Variants in COL28A1 observed in about 807,000 individuals in gnomAD.
The protein encoded by COL28A1 is collagen alpha-1(XXVIII) chain.
Under a neutral mutation model 150.2 loss-of-function variants are expected in COL28A1, and 161 were observed. The ratio of observed to expected loss-of-function variants is 1.07; its 90% CI spans 0.94 to 1.22. COL28A1 has a LOEUF of 1.22. COL28A1 is among the 50% of genes most tolerant of loss of function. The pLI is 0.00. For missense variants in COL28A1, 1,617 were observed against 1,388.3 expected (o/e 1.16, Z -2.62); for synonymous variants, 552 against 469.7 (o/e 1.18, Z -2.26).
chr7:7,442,799 G>A (rs1785915818), intron 20 of COL28A1, among the ~76,000 whole-genome samples: 1 of 152,178 alleles, frequency 6.6e-6, no homozygotes, highest in Non-Finnish European at 1.5e-5. Flanking sequence ...CACTTTGGGA[G>A]GCTGAGGCAG....
intron 30 of COL28A1, among the ~76,000 whole-genome samples, chr7:7,378,443 C>T (rs532327012): frequency 2.6e-5 from 4 of 152,172 alleles, no homozygotes; most frequent in African/African-American, 4.8e-5. Flanking sequence ...ATGCTAACAC[C>T]GAAGTGACAT....
chr7:7,421,115 A>G (rs1784372574), intron 25 of COL28A1, among the ~76,000 whole-genome samples: 1 of 152,250 alleles, frequency 6.6e-6, no homozygotes, highest in Non-Finnish European at 1.5e-5. Flanking sequence ...GTGAATGGAC[A>G]AAGTGCTGTA....
intron 18 of COL28A1, among the ~76,000 whole-genome samples, chr7:7,446,234 GT>G: frequency 6.6e-6 from 1 of 151,872 alleles, no homozygotes; most frequent in East Asian, 1.9e-4. Flanking sequence ...AGAATAATAG[GT>G]TTTTTAAAAG....
chr7:7,483,718 C>T (rs56777100), intron 13 of COL28A1, among the ~76,000 whole-genome samples: 2,458 of 152,080 alleles, frequency 0.016, 61 homozygotes, highest in African/African-American at 0.056. Flanking sequence ...ACAACGTAAA[C>T]TTCCTCAAGA....
At chr7:7,470,892 A>T (rs1788352714) in intron 15 of COL28A1, among the ~76,000 whole-genome samples, 1 of 127,362 alleles carries the variant, frequency 7.9e-6, no homozygotes, top group African/African-American at 3.3e-5. Flanking sequence ...ATTCTCACTC[A>T]TAGGTGGGAA....
At chr7:7,453,274 A>G (rs1349108573) in intron 17 of COL28A1, among the ~76,000 whole-genome samples, 166 bp downstream of exon 17, 1 of 152,248 alleles carries the variant, frequency 6.6e-6, no homozygotes, top group Non-Finnish European at 1.5e-5. Flanking sequence ...AAGAATACAT[A>G]TTACATTTTC....
chr7:7,491,969 CAGTTTTTT>C (rs1478573940), intron 11 of COL28A1, among the ~76,000 whole-genome samples: 11 of 152,102 alleles, frequency 7.2e-5, no homozygotes, highest in African/African-American at 2.4e-4. Flanking sequence ...TATTTCCTTC[CAGTTTTTT>C]ACATTCACAC....
At chr7:7,449,460 T>C (rs1292326354) in intron 18 of COL28A1, among the ~76,000 whole-genome samples, 3 of 151,848 alleles carry the variant, frequency 2.0e-5, no homozygotes, top group Non-Finnish European at 4.4e-5. Context: ...CACTTAAGAG[T>C]GAAATTTTAG....
At chr7:7,461,175 G>C (rs1478437302) in intron 15 of COL28A1, among the ~76,000 whole-genome samples, 2 of 152,206 alleles carry the variant, frequency 1.3e-5, no homozygotes, top group African/African-American at 2.4e-5. Context: ...TATGGGAGCT[G>C]AGTCAATTTA....
rs554918714 is a variant in COL28A1 at position 7,511,374 on chromosome 7, G to C, written c.883-239C>G. Among the ~76,000 whole-genome samples, 24 of 152,188 alleles carry C rather than the reference G, an allele frequency of 1.6e-4. 1 individual carries two copies. In the South Asian group the frequency reaches 4.6e-3, roughly 29 times the overall value. ...AATCAGGAACAATGTAATAAGGTTT[G>C]ACATTTTTAAGAAATGGATGAAACT... On this transcript the variant is annotated intron_variant, in intron 8 of 34. Coordinates refer to ENST00000399429, the MANE Select transcript of COL28A1 (RefSeq NM_001037763.3).
Position 7,367,444 on chromosome 7 carries a change from C to T in COL28A1, c.3066+3281G>A, listed in dbSNP as rs531182085. Among the ~76,000 whole-genome samples the T allele has an allele frequency of 1.2e-4, 19 of 152,108 alleles. No individual in the cohort carries two copies. In the East Asian group the frequency reaches 2.1e-3, roughly 17 times the overall value. ...GCATTGGTGCTTCTTTAAAAAGAGC[C>T]AGAATGAGAAAGCCTAGAGACAAGA... On this transcript the variant is annotated intron_variant, in intron 33 of 34. Transcript: ENST00000399429.
At chr7:7,467,815 G>A (rs1166497851) in intron 15 of COL28A1, among the ~76,000 whole-genome samples, 7 of 138,554 alleles carry the variant, frequency 5.1e-5, no homozygotes, top group South Asian at 2.4e-4. Context: ...ACTCAAAGCC[G>A]CTCAACTACA....
At chr7:7,522,528 T>C (rs1206328583) in intron 4 of COL28A1, among the ~76,000 whole-genome samples, 1 of 152,162 alleles carries the variant, frequency 6.6e-6, no homozygotes, top group Non-Finnish European at 1.5e-5. Flanking sequence ...GGTTCAGTCA[T>C]GACAAAGTAG....
chr7:7,383,825 T>C (rs1782032761), intron 27 of COL28A1, among the ~76,000 whole-genome samples: 1 of 151,820 alleles, frequency 6.6e-6, no homozygotes, highest in Admixed American at 6.6e-5. Context: ...ATTTCTGTAT[T>C]AAAAATAATA....
downstream of COL28A1, chr7:7,357,787 A>AT (rs1302976913): frequency 3.9e-5 from 6 of 151,962 alleles, no homozygotes; most frequent in South Asian, 8.3e-4. Flanking sequence ...GTTACTCTCC[A>AT]TTACTCGCAT....
At chr7:7,490,688 C>G in intron 11 of COL28A1, 42 bp from the exon 12 acceptor site, 1 of 877,962 alleles carries the variant, frequency 1.1e-6, no homozygotes, top group Non-Finnish European at 1.9e-6. Context: ...GTTAGGTCGA[C>G]TCAATAGTAT....
intron 21 of COL28A1, among the ~76,000 whole-genome samples, chr7:7,439,224 T>C (rs1412046975): frequency 2.0e-5 from 3 of 152,176 alleles, no homozygotes; most frequent in Non-Finnish European, 4.4e-5. Context: ...TCCCGCTGTA[T>C]TGATTAGCCA....
intron 27 of COL28A1, among the ~76,000 whole-genome samples, chr7:7,393,595 G>T (rs1165710972): frequency 5.8e-5 from 7 of 120,042 alleles, no homozygotes; most frequent in Admixed American, 1.9e-4. Flanking sequence ...GGGAGACGGG[G>T]GTTTTATCTA....
chr7:7,517,543 T>G (rs1395030818), intron 7 of COL28A1, among the ~76,000 whole-genome samples: 1 of 152,154 alleles, frequency 6.6e-6, no homozygotes, highest in African/African-American at 2.4e-5. Context: ...CTTTCACCAA[T>G]GTCAAATTAA....
Sources: allele counts gnomAD v4.1 joint callset (sites outside exome capture counted in the v4.1 genomes callset), GRCh38; gene constraint gnomAD v4.1.1; transcripts MANE v1.5; gene names NCBI Gene and HGNC (gene_info 2026-07-23, HGNC 2026-07-21).